Variants in SGO2 observed in about 807,000 individuals in gnomAD.
SGO2 encodes shugoshin-like 2.
Under a neutral mutation model 99.5 loss-of-function variants are expected in SGO2, and 68 were observed. The ratio of observed to expected loss-of-function variants is 0.68; its 90% confidence interval spans 0.56 to 0.84. SGO2 has a LOEUF of 0.84. Among genes scored for constraint, SGO2 ranks in the 40% least tolerant of loss-of-function variants. SGO2 has a pLI of 0.00. For missense variants in SGO2, 1,350 were observed against 1,436.7 expected, an observed-to-expected ratio of 0.94 and a Z score of 0.97; for synonymous variants, 457 against 487.1, an observed-to-expected ratio of 0.94 and a Z score of 0.81.
At position 200,569,851 on chromosome 2, in the gene SGO2, A is replaced by T. The variant is rs372301043; in HGVS notation, c.662A>T (p.Asp221Val). The T allele has an allele frequency of 2.5e-6, 4 of 1,600,288 alleles. No homozygotes were observed. The highest frequency in any genetic ancestry group is 1.7e-5 in the Admixed American group (1 of 59,934). ...AATCAAAATGTATATGGTTTAGATGATTCAGAACATATTTCTTCTATAGTT... is the reference window on the plus strand; with the variant it reads ...AATCAAAATGTATATGGTTTAGATGTTTCAGAACATATTTCTTCTATAGTT... ...ENNQNVYGLD[D>V]SEHISSIVDV... Residue 221 changes from aspartate (D) to valine (V), a missense_variant, in exon 6 of 9, where the codon GAT becomes GTT. Coordinates refer to ENST00000357799, the MANE Select transcript of SGO2 (RefSeq NM_152524.6).
At chr2:200,544,652 A>G (rs1033642343) in intron 5 of SGO2, among the ~76,000 whole-genome samples, 1 of 152,132 alleles carries the variant, frequency 6.6e-6, no homozygotes, top group Admixed American at 6.5e-5. Context: ...GTATGCACAC[A>G]TTCTGTTAGG....
intron 6 of SGO2, 106 bp downstream of exon 6, chr2:200,569,998 A>C: frequency 1.4e-6 from 1 of 714,160 alleles, no homozygotes; most frequent in South Asian, 2.0e-5. Flanking sequence ...TAGCTCTCTT[A>C]TGTTACCGAT....
At chr2:200,582,461 C>T (rs2033868605) in intron 8 of SGO2, among the ~76,000 whole-genome samples, 1 of 152,078 alleles carries the variant, frequency 6.6e-6, no homozygotes, top group Non-Finnish European at 1.5e-5. Context: ...CACTAGCTTG[C>T]TCAGCCCCAG....
intron 1 of SGO2, among the ~76,000 whole-genome samples, chr2:200,531,461 G>A (rs2031376634): frequency 6.6e-6 from 1 of 152,160 alleles, no homozygotes; most frequent in Non-Finnish European, 1.5e-5. Flanking sequence ...TAGAAGGGGT[G>A]TGGGAGGGAA....
At chr2:200,560,670 A>G (rs2032903792) in intron 5 of SGO2, among the ~76,000 whole-genome samples, 2 of 152,178 alleles carry the variant, frequency 1.3e-5, no homozygotes, top group South Asian at 4.1e-4. Flanking sequence ...TGATTTGCTA[A>G]TATTTTCTTT....
At chr2:200,542,554 T>C (rs764864706) in intron 4 of SGO2, 25 bp from the exon 5 acceptor site, 152 of 1,580,362 alleles carry the variant, frequency 9.6e-5, no homozygotes, top group Non-Finnish European at 1.2e-4. Context: ...AGAAACTTTG[T>C]TTTCTTTATT....
At chr2:200,545,756 T>C (rs1466528595) in intron 5 of SGO2, among the ~76,000 whole-genome samples, 1 of 152,118 alleles carries the variant, frequency 6.6e-6, no homozygotes, top group Non-Finnish European at 1.5e-5. Context: ...ACAGTTTCTA[T>C]ACTGGAAAAA....
chr2:200,580,484 A>T, intron 8 of SGO2: 1 of 435,482 alleles, frequency 2.3e-6, no homozygotes, highest in African/African-American at 2.1e-5. Context: ...TTACTTTATT[A>T]TTGTTGTTTT....
chr2:200,560,541 T>G (rs1190367902), intron 5 of SGO2, among the ~76,000 whole-genome samples: 1 of 152,150 alleles, frequency 6.6e-6, no homozygotes, highest in Non-Finnish European at 1.5e-5. Context: ...GAATCATTAT[T>G]TTTTTCTTTG....
chr2:200,572,585 A>G lies in SGO2; in HGVS notation c.2239A>G (p.Thr747Ala). The change falls in exon 7 of 9, where the codon ACG becomes GCG. Residue 747 changes from threonine (T) to alanine (A), a missense_variant. Coordinates refer to ENST00000357799, the MANE Select transcript of SGO2 (RefSeq NM_152524.6). ...AGTTAAAAGTCACTCACTCTTTTTA[A>G]CGCAAAAAGATAAGGAAATCATCCC... ...YTVKSHSLFL[T>A]QKDKEIIPGN... 1.2e-6 allele frequency: 2 copies of G among 1,612,668 alleles called. No homozygotes were observed. The highest frequency in any genetic ancestry group is 1.7e-6 in the Non-Finnish European group (2 of 1,178,990).
chr2:200,567,058 G>A (rs578030594), intron 5 of SGO2, among the ~76,000 whole-genome samples: 5 of 152,276 alleles, frequency 3.3e-5, no homozygotes, highest in South Asian at 2.1e-4. Context: ...TTCACACTCC[G>A]TGGGCTGCAC....
chr2:200,572,344 G>A lies in SGO2; in HGVS notation c.1998G>A (p.Glu666=), dbSNP rs776480093. The stretch of plus-strand genomic sequence containing the variant: ...CTGAAAACATAGAAGTTTCCAAAGA[G>A]CTTCAAATCCCAGCTCTTTCTACTA... ...PISENIEVSK[E]LQIPALSTRD... is the part of the protein sequence containing the mutation. The change falls in exon 7 of 9, where the codon GAG becomes GAA. Residue 666 remains glutamate (E), a synonymous_variant. Coordinates refer to ENST00000357799, the MANE Select transcript of SGO2 (RefSeq NM_152524.6). The A allele has an allele frequency of 9.9e-6, 16 of 1,610,690 alleles. No individual in the cohort carries two copies. Among genetic ancestry groups the A allele is most frequent in the Non-Finnish European group, 1.4e-5 (16 of 1,178,942 alleles).
At chr2:200,562,196 C>T (rs1171057582) in intron 5 of SGO2, among the ~76,000 whole-genome samples, 6 of 152,140 alleles carry the variant, frequency 3.9e-5, no homozygotes, top group African/African-American at 1.2e-4. Flanking sequence ...TTAGGTCTAA[C>T]ATGTAAGTCT....
chr2:200,557,014 C>G (rs1377636986), intron 5 of SGO2, among the ~76,000 whole-genome samples: 1 of 152,184 alleles, frequency 6.6e-6, no homozygotes, highest in Non-Finnish European at 1.5e-5. Flanking sequence ...GCAGTCCTGT[C>G]AGCTCTCAGG....
intron 2 of SGO2, chr2:200,533,495 T>A (rs2031521418): frequency 5.6e-6 from 1 of 179,632 alleles, no homozygotes; most frequent in South Asian, 1.2e-4. Flanking sequence ...TGCTTATATA[T>A]ACGTGTGTAT....
At chr2:200,550,664 T>C (rs560699288) in intron 5 of SGO2, among the ~76,000 whole-genome samples, 1 of 152,212 alleles carries the variant, frequency 6.6e-6, no homozygotes, top group South Asian at 2.1e-4. Flanking sequence ...CTCCTATCTC[T>C]CACCATACAC....
rs2031554262 is a variant in SGO2 at position 200,533,790 on chromosome 2, A to AC, written c.133+683dup. ...GATATAGCTCCTGCGAAGGACAATC[A>AC]CGTGTGCCTTCTAAAACAACCCAGC... On this transcript the variant is annotated intron_variant, in intron 2 of 8. Transcript: ENST00000357799. Among the ~76,000 whole-genome samples the AC allele has an allele frequency of 2.0e-5, 3 of 152,022 alleles. No homozygotes were observed. The South Asian group carries it at 6.2e-4, about 32-fold the overall frequency.
At position 200,542,633 on chromosome 2, in the gene SGO2, C is replaced by T. The variant is rs1319135067; in HGVS notation, c.442C>T (p.Gln148Ter). The change falls in exon 5 of 9, where the codon CAG becomes TAG. Residue 148 changes from glutamine to a stop codon, truncating the protein, a stop_gained. Coordinates refer to ENST00000357799, the MANE Select transcript of SGO2 (RefSeq NM_152524.6). LOFTEE classifies it high-confidence loss of function. Reference protein sequence around the residue: ...SASKKKRISKQCKLMRLPFAR... With the variant: ...SASKKKRISK The stretch of plus-strand genomic sequence containing the variant: ...TAGCAAGAAGAAACGAATTAGTAAA[C>T]AGTGCAAGTTGATGCGTCTTCCATT... 2 of 1,612,952 alleles carry T rather than the reference C, an allele frequency of 1.2e-6. No homozygotes were observed. Among genetic ancestry groups the T allele is most frequent in the Non-Finnish European group, 8.5e-7 (1 of 1,179,444 alleles).
rs950654032 is a variant in SGO2 at position 200,548,900 on chromosome 2, G to A, written c.473+6236G>A. 2.0e-5 allele frequency among the ~76,000 whole-genome samples: 3 copies of A among 152,084 alleles called. No homozygotes were observed. In the South Asian group the frequency reaches 6.2e-4, roughly 31 times the overall value. ...ACCAAGATTAAACCATAAAGAAATA[G>A]AAAACCTCAACAAACCAATAACAAG... On this transcript the variant is annotated intron_variant, in intron 5 of 8. Transcript: ENST00000357799.
Sources: allele counts gnomAD v4.1 joint callset (sites outside exome capture counted in the v4.1 genomes callset), GRCh38; gene constraint gnomAD v4.1.1; transcripts MANE v1.5; gene names NCBI Gene and HGNC (gene_info 2026-07-23, HGNC 2026-07-21).